SRRM3: variants seen among roughly 807,000 people sequenced by gnomAD.
SRRM3 encodes the protein serine/arginine repetitive matrix protein 3.
Under a neutral mutation model 66.2 loss-of-function variants are expected in SRRM3, and 27 were observed. The observed-to-expected ratio is 0.41, with a 90% CI of 0.30 to 0.56. The LOEUF (loss-of-function observed/expected upper bound fraction) is 0.56, where lower values mean the gene tolerates loss of function less well. Among genes scored for constraint, SRRM3 ranks in the 20% least tolerant of loss-of-function variants. The pLI, the probability that SRRM3 is intolerant of heterozygous loss-of-function variation, is 0.32. For synonymous variants in SRRM3, 391 were observed against 414.9 expected (o/e 0.94, Z 0.70); for missense variants, 918 against 991.9 (o/e 0.93, Z 1.00).
At chr7:76,261,612 G>A (rs1554608788) in intron 8 of SRRM3, 31 bp downstream of exon 8, 8 of 1,604,174 alleles carry the variant, frequency 5.0e-6, no homozygotes, top group African/African-American at 2.7e-5. Context: ...GACATGGTCA[G>A]TGGTCCCTTA....
intron 11 of SRRM3, among the ~76,000 whole-genome samples, chr7:76,279,650 T>C (rs782084158): frequency 1.1e-4 from 17 of 151,916 alleles, no homozygotes; most frequent in Admixed American, 5.3e-4. Context: ...AAGCCAACCC[T>C]CTCATTTTGT....
At chr7:76,273,794 T>C (rs1802269614) in intron 11 of SRRM3, among the ~76,000 whole-genome samples, 1 of 152,190 alleles carries the variant, frequency 6.6e-6, no homozygotes. Flanking sequence ...AAAGCTATGT[T>C]TCCTGGTTTG....
intron 2 of SRRM3, among the ~76,000 whole-genome samples, chr7:76,236,033 CCGGGCG>C (rs1801143564): frequency 2.2e-5 from 2 of 92,368 alleles, no homozygotes; most frequent in Admixed American, 1.2e-4. Context: ...AAAAAAAAGG[CCGGGCG>C]CGGTGGCTCA....
intron 6 of SRRM3, among the ~76,000 whole-genome samples, chr7:76,261,138 A>T (rs567917137): frequency 2.6e-5 from 4 of 151,386 alleles, no homozygotes; most frequent in African/African-American, 9.7e-5. Context: ...TTGTCCCCAC[A>T]ATTGTGGGGA....
chr7:76,256,368 G>A (rs762381206), intron 3 of SRRM3, among the ~76,000 whole-genome samples: 6 of 152,088 alleles, frequency 3.9e-5, no homozygotes, highest in South Asian at 2.1e-4. Flanking sequence ...TTGGCCGGGC[G>A]TGGTGGCAGG....
At chr7:76,204,560 G>A (rs1335767112) in intron 1 of SRRM3, among the ~76,000 whole-genome samples, 4 of 152,074 alleles carry the variant, frequency 2.6e-5, no homozygotes, top group Non-Finnish European at 4.4e-5. Context: ...ACACCACTCT[G>A]CCCCCGATTC....
At chr7:76,279,249 A>G (rs554923279) in intron 11 of SRRM3, among the ~76,000 whole-genome samples, 1 of 152,162 alleles carries the variant, frequency 6.6e-6, no homozygotes, top group Non-Finnish European at 1.5e-5. Context: ...ACAGAGTGAG[A>G]TGCCTTCTCA....
At chr7:76,249,880 A>C (rs141040234) in intron 3 of SRRM3, among the ~76,000 whole-genome samples, 2 of 151,986 alleles carry the variant, frequency 1.3e-5, no homozygotes, top group East Asian at 3.9e-4. Context: ...ATAATAATAA[A>C]ATAATAATAA....
chr7:76,212,351 T>G (rs1554601821), intron 1 of SRRM3, among the ~76,000 whole-genome samples: 1 of 138,642 alleles, frequency 7.2e-6, no homozygotes, highest in African/African-American at 2.7e-5. Flanking sequence ...AAGACAGTGT[T>G]TTGCTATGTT....
Position 76,235,177 on chromosome 7 carries a change from G to C in SRRM3, c.111G>C (p.Glu37Asp), listed in dbSNP as rs782802219. The C allele has an allele frequency of 4.5e-6, 7 of 1,550,272 alleles. No homozygotes were observed. In the Admixed American group the frequency reaches 1.1e-4, roughly 25 times the overall value. The change falls in exon 2 of 15, where the codon GAG becomes GAC. Residue 37 changes from glutamate to aspartate, a missense_variant. Physicochemically the swap from Glu to Asp is conservative, Grantham distance 45 (BLOSUM62 2). Coordinates refer to ENST00000611745, the MANE Select transcript of SRRM3 (RefSeq NM_001110199.3). Reference protein sequence around the residue: ...SSSGTWPRAEEELRAAEPGLV... With the variant: ...SSSGTWPRAEDELRAAEPGLV... ...CGGGGACCTGGCCGCGGGCGGAAGA[G>C]GAGCTGCGCGCCGCGGAGCCGGGCC...
At chr7:76,231,946 G>C (rs956241386) in intron 1 of SRRM3, among the ~76,000 whole-genome samples, 1 of 152,154 alleles carries the variant, frequency 6.6e-6, no homozygotes, top group Non-Finnish European at 1.5e-5. Flanking sequence ...GCATGCATTT[G>C]GGGGATGAGG....
At chr7:76,254,812 C>A (rs962886944) in intron 3 of SRRM3, among the ~76,000 whole-genome samples, 1 of 152,032 alleles carries the variant, frequency 6.6e-6, no homozygotes, top group African/African-American at 2.4e-5. Flanking sequence ...AAGGATGGGG[C>A]TTGATGAGCT....
At position 76,267,120 on chromosome 7, in the gene SRRM3, G is replaced by A. The variant is rs1319934976; in HGVS notation, c.831-138G>A. ...GGTCAAGCCCTCTCTAAGTGGAAAGGTTCCCAGCATGGTGAAAAGGCAGGT... is the reference window on the plus strand; with the variant it reads ...GGTCAAGCCCTCTCTAAGTGGAAAGATTCCCAGCATGGTGAAAAGGCAGGT... On this transcript the variant is annotated intron_variant, in intron 10 of 14. Transcript: ENST00000611745. 4 of 810,768 alleles carry A rather than the reference G, an allele frequency of 4.9e-6. No individual in the cohort carries two copies. The African/African-American group carries it at 7.3e-5, about 15-fold the overall frequency. The allele number at this position is 810,768 out of a possible 1,614,324, so 50.2% of individuals were successfully genotyped here. A position where few individuals can be genotyped will look rare whatever the true frequency, so the allele number is the denominator to read the frequency against.
chr7:76,224,224 C>T (rs956608767), intron 1 of SRRM3, among the ~76,000 whole-genome samples: 1 of 147,004 alleles, frequency 6.8e-6, no homozygotes, highest in Non-Finnish European at 1.5e-5. Context: ...GGAGTACAGG[C>T]GCACACTGCC....
chr7:76,285,708 C>G lies in SRRM3; in HGVS notation c.1827C>G (p.Arg609=), dbSNP rs1554612680. 1.9e-6 allele frequency: 3 copies of G among 1,550,800 alleles called. No homozygotes were observed. The highest frequency in any genetic ancestry group is 2.6e-6 in the Non-Finnish European group (3 of 1,146,900). The change falls in exon 15 of 15, where the codon CGC becomes CGG. Residue 609 remains arginine (R), a synonymous_variant. Coordinates refer to ENST00000611745, the MANE Select transcript of SRRM3 (RefSeq NM_001110199.3). The surrounding 1 kb of genome is among the most constrained non-coding windows in gnomAD (Gnocchi z 4.1). ...ACTACTCGACCCGGAGCCACAGCCG[C>G]AGCCCCAGCCCCGGCCACAGCCACG... ...SSDYSTRSHS[R]SPSPGHSHGS... is the part of the protein sequence containing the mutation.
At chr7:76,241,205 C>T (rs1801287052) in intron 2 of SRRM3, among the ~76,000 whole-genome samples, 1 of 152,098 alleles carries the variant, frequency 6.6e-6, no homozygotes, top group Non-Finnish European at 1.5e-5. Context: ...CCTAGAAACC[C>T]TTGACTTTGA....
chr7:76,224,728 T>C (rs1800811154), intron 1 of SRRM3, among the ~76,000 whole-genome samples: 1 of 152,162 alleles, frequency 6.6e-6, no homozygotes, highest in Non-Finnish European at 1.5e-5. Flanking sequence ...TTGCCAGTCC[T>C]GCTGAGTGAC....
intron 11 of SRRM3, among the ~76,000 whole-genome samples, chr7:76,277,571 C>T (rs1253127391): frequency 1.3e-5 from 2 of 151,966 alleles, no homozygotes; most frequent in East Asian, 1.9e-4. Context: ...TGGCTCACGC[C>T]TGTAATCCCT....
chr7:76,265,852 A>ATAAATATT (rs1563634596), intron 10 of SRRM3, among the ~76,000 whole-genome samples: 15 of 9,192 alleles, frequency 1.6e-3, no homozygotes, highest in Admixed American at 3.4e-3. Context: ...ATATATATAT[A>ATAAATATT]TATATATTTT....
Sources: allele counts gnomAD v4.1 joint callset (sites outside exome capture counted in the v4.1 genomes callset), GRCh38; gene constraint gnomAD v4.1.1; non-coding constraint Gnocchi (gnomAD v3.1); transcripts MANE v1.5; gene names NCBI Gene and HGNC (gene_info 2026-07-23, HGNC 2026-07-21).